Variants in FAM184B observed in about 807,000 individuals in gnomAD.
FAM184B encodes the protein protein FAM184B.
Under a neutral mutation model 135.9 loss-of-function variants are expected in FAM184B, and 111 were observed. The ratio of observed to expected loss-of-function variants is 0.82; its 90% CI spans 0.70 to 0.96. The LOEUF is 0.96. Ranked by LOEUF, FAM184B falls within the 40% of genes least tolerant of loss-of-function variation. The probability of loss-of-function intolerance (pLI) is 0.00; values close to 1 mark genes in which losing one functional copy is unlikely to be tolerated. For synonymous variants in FAM184B, 552 were observed against 524.8 expected (o/e 1.05, Z -0.71); for missense variants, 1,375 against 1,323.9 (o/e 1.04, Z -0.60).
chr4:17,683,005 C>G (rs2108953654), intron 7 of FAM184B, among the ~76,000 whole-genome samples: 1 of 152,344 alleles, frequency 6.6e-6, no homozygotes. Context: ...CTGCCTAGGC[C>G]TCCCTGGCTT....
intron 1 of FAM184B, among the ~76,000 whole-genome samples, chr4:17,765,946 T>TA (rs531869009): frequency 5.8e-4 from 89 of 152,240 alleles, no homozygotes; most frequent in South Asian, 1.9e-3. Flanking sequence ...CATCTAGAAT[T>TA]ACTCCTTCCT....
At chr4:17,664,375 A>C (rs1360559094) in intron 8 of FAM184B, among the ~76,000 whole-genome samples, 187 bp downstream of exon 8, 1 of 152,218 alleles carries the variant, frequency 6.6e-6, no homozygotes, top group East Asian at 1.9e-4. Context: ...TGTAACAATT[A>C]AGTAACACAG....
Position 17,658,340 on chromosome 4 carries a change from A to C in FAM184B, c.2037+10T>G. ...CCGGCACAGAGTAGACGGCACAGTC[A>C]TTCCCTCACCTTGAGTTCCTGATGT... On this transcript the variant is annotated intron_variant, in intron 10 of 17. Coordinates refer to ENST00000265018, the MANE Select transcript of FAM184B (RefSeq NM_015688.2). 6.4e-7 allele frequency: 1 copy of C among 1,551,472 alleles called. No individual in the cohort carries two copies.
At chr4:17,691,062 T>G (rs7436403) in intron 6 of FAM184B, among the ~76,000 whole-genome samples, 53,675 of 152,014 alleles carry the variant, frequency 0.35, 9,810 homozygotes, top group South Asian at 0.43. Flanking sequence ...GACTTGCAAC[T>G]GAATGTAAAC....
chr4:17,650,182 GTCCATCCATCCA>G lies in FAM184B; in HGVS notation c.2192-2403_2192-2392del, dbSNP rs548409980. Among the ~76,000 whole-genome samples, 253 of 150,390 alleles carry G rather than the reference GTCCATCCATCCA, an allele frequency of 1.7e-3. 1 individual carries two copies. The highest frequency in any genetic ancestry group is 5.9e-3 in the African/African-American group (240 of 40,892). On this transcript the variant is annotated intron_variant, in intron 11 of 17. Coordinates refer to ENST00000265018, the MANE Select transcript of FAM184B (RefSeq NM_015688.2). ...CATCCACCCACACCCCCATCCACTT[GTCCATCCATCCA>G]TCCATCCATCCATCTAGCATGTCTA...
In FAM184B at chr4:17,747,714, G is replaced by A. The variant is rs545135683; in HGVS notation, c.141+33445C>T. The stretch of plus-strand genomic sequence containing the variant: ...AGGCGGGCGGATCATGAGGTCAGGA[G>A]ATCGAGACCATCCTGGCTAACACGA... On this transcript the variant is annotated intron_variant, in intron 1 of 17. Coordinates refer to ENST00000265018, the MANE Select transcript of FAM184B (RefSeq NM_015688.2). 2.2e-3 allele frequency among the ~76,000 whole-genome samples: 327 copies of A among 152,056 alleles called. 1 individual carries two copies. The highest frequency in any genetic ancestry group is 4.2e-3 in the South Asian group (20 of 4,814).
intron 8 of FAM184B, among the ~76,000 whole-genome samples, chr4:17,662,731 A>G (rs1235620588): frequency 6.6e-6 from 1 of 152,224 alleles, no homozygotes; most frequent in Non-Finnish European, 1.5e-5. Flanking sequence ...AGTTTTCTAA[A>G]GTGATTTACC....
chr4:17,753,144 C>T (rs889214720), intron 1 of FAM184B, among the ~76,000 whole-genome samples: 3 of 152,226 alleles, frequency 2.0e-5, no homozygotes, highest in Admixed American at 6.5e-5. Flanking sequence ...GGGTTCCCTC[C>T]TTTGTGCTCC....
At chr4:17,755,234 C>A (rs1718391455) in intron 1 of FAM184B, among the ~76,000 whole-genome samples, 1 of 152,018 alleles carries the variant, frequency 6.6e-6, no homozygotes, top group African/African-American at 2.4e-5. Flanking sequence ...TAAAAAACAG[C>A]TATTTTCTAG....
Position 17,633,826 on chromosome 4 carries a change from T to C in FAM184B, c.2952A>G (p.Ala984=), listed in dbSNP as rs1577238258. 6.4e-7 allele frequency: 1 copy of C among 1,551,586 alleles called. No homozygotes were observed. Residue 984 remains alanine, a synonymous_variant, in exon 17 of 18, where the codon GCA becomes GCG. Transcript: ENST00000265018. The stretch of plus-strand genomic sequence containing the variant: ...TCAGATCGCCACTCAGAAAGTTCTT[T>C]GCATAGGAGGCGAGGTTCGGCACGC... ...VVSVPNLASY[A]KNFLSGDLSS...
intron 15 of FAM184B, 57 bp from the exon 16 acceptor site, chr4:17,635,170 A>T (rs1715088801): frequency 1.5e-6 from 2 of 1,370,750 alleles, no homozygotes; most frequent in Non-Finnish European, 1.0e-6. Context: ...ACTGGGTTTG[A>T]CTTGAAGGAA....
At position 17,652,751 on chromosome 4, in the gene FAM184B, G is replaced by A. The variant is rs1287270461; in HGVS notation, c.2191+79C>T. ...TGAGCCCGAGAACCCTGGAGCCCTG[G>A]CCCTCAGCTTGTCTCTGGTTTCTAC... is the stretch of plus-strand genomic sequence containing the variant. On this transcript the variant is annotated intron_variant, in intron 11 of 17. Transcript: ENST00000265018. The A allele has an allele frequency of 3.4e-6, 5 of 1,471,362 alleles. No individual in the cohort carries two copies. The African/African-American group carries it at 5.6e-5, about 17-fold the overall frequency. 91.1% of individuals were successfully genotyped at this position (1,471,362 alleles called of 1,614,324 possible).
At chr4:17,637,455 C>G (rs1715177621) in intron 14 of FAM184B, among the ~76,000 whole-genome samples, 1 of 152,198 alleles carries the variant, frequency 6.6e-6, no homozygotes, top group Admixed American at 6.5e-5. Context: ...TGACCCGGCT[C>G]TAATACTGGC....
rs1335298440 is a variant in FAM184B at position 17,629,413 on chromosome 4, A to T, written c.*3119T>A. On this transcript the variant is annotated 3_prime_UTR_variant, in exon 18 of 18. Transcript: ENST00000265018. ...GAGAAAAATTAACCAAGTAGCCTCA[A>T]TCACAAATGTTGGGTTGGATATTAC... 6.6e-6 allele frequency: 1 copy of T among 152,222 alleles called. No individual in the cohort carries two copies. The highest frequency in any genetic ancestry group is 2.4e-5 in the African/African-American group (1 of 41,452). The allele number at this position is 152,222 out of a possible 1,614,324, so 9.4% of individuals were successfully genotyped here.
chr4:17,632,654 G>A (rs1714993903), intron 17 of FAM184B, 29 bp from the exon 18 acceptor site: 2 of 1,450,802 alleles, frequency 1.4e-6, no homozygotes, highest in Admixed American at 4.1e-5. Context: ...TTTTTTATAT[G>A]GTTTTGAAAA....
intron 5 of FAM184B, among the ~76,000 whole-genome samples, chr4:17,697,209 T>C (rs1716884722): frequency 6.6e-6 from 1 of 152,136 alleles, no homozygotes; most frequent in African/African-American, 2.4e-5. Context: ...TTAATACATT[T>C]GATGGATGAC....
intron 12 of FAM184B, among the ~76,000 whole-genome samples, chr4:17,646,585 T>G (rs957580249): frequency 6.8e-6 from 1 of 147,086 alleles, no homozygotes. Context: ...TGTTGTGGGG[T>G]GGGGGTAGTG....
At chr4:17,742,668 A>G (rs967432063) in intron 1 of FAM184B, among the ~76,000 whole-genome samples, 1 of 152,220 alleles carries the variant, frequency 6.6e-6, no homozygotes, top group African/African-American at 2.4e-5. Flanking sequence ...CTGTGGATAG[A>G]TGCAGCTAAC....
At chr4:17,665,456 A>C (rs1716025083) in intron 7 of FAM184B, among the ~76,000 whole-genome samples, 1 of 152,242 alleles carries the variant, frequency 6.6e-6, no homozygotes, top group Non-Finnish European at 1.5e-5. Flanking sequence ...GGGTAGGAAC[A>C]GATTTGTCTC....
Sources: gnomAD v4.1 joint callset for allele counts (sites outside exome capture counted in the v4.1 genomes callset) on GRCh38, gnomAD v4.1.1 for gene constraint, MANE v1.5 for transcripts, NCBI Gene and HGNC (gene_info 2026-07-23, HGNC 2026-07-21) for gene names.